The following MRPL50 variants were observed in gnomAD, a reference collection of about 807,000 sequenced individuals.
The protein encoded by MRPL50 is mitochondrial ribosomal protein L50.
Under a neutral mutation model 16.2 loss-of-function variants are expected in MRPL50, and 10 were observed. The ratio of observed to expected loss-of-function variants is 0.62; its 90% CI spans 0.38 to 1.05. MRPL50 has a LOEUF of 1.05. Ranked by LOEUF, MRPL50 falls within the 50% of genes least tolerant of loss-of-function variation. The pLI, the probability that MRPL50 is intolerant of heterozygous loss-of-function variation, is 0.01. For missense variants in MRPL50, 213 were observed against 187.1 expected (o/e 1.14, Z -0.81); for synonymous variants, 68 against 66.8 (o/e 1.02, Z -0.09).
Position 101,390,413 on chromosome 9 carries a change from C to A in MRPL50, c.*53G>T. The A allele has an allele frequency of 1.3e-6, 2 of 1,553,424 alleles. No homozygotes were observed. Among genetic ancestry groups the A allele is most frequent in the South Asian group, 2.5e-5 (2 of 79,092 alleles). On this transcript the variant is annotated 3_prime_UTR_variant, in exon 2 of 2. Coordinates refer to ENST00000374865, the MANE Select transcript of MRPL50 (RefSeq NM_019051.3). ...AAGTATCAAAAGATCTAATGAGCAG[C>A]CCCCTTGCTCAGGGAAAGACAGTGA...
intron 1 of MRPL50, among the ~76,000 whole-genome samples, chr9:101,391,999 T>C (rs1417882190): frequency 1.3e-5 from 2 of 151,948 alleles, no homozygotes; most frequent in Admixed American, 1.3e-4. Flanking sequence ...GAAATATAAC[T>C]AGAAATCAAT....
intron 1 of MRPL50, among the ~76,000 whole-genome samples, chr9:101,398,269 A>G (rs1231319650): frequency 6.6e-6 from 1 of 152,168 alleles, no homozygotes; most frequent in Admixed American, 6.5e-5. Flanking sequence ...TGAAGTGAAA[A>G]GGAAAGGGGG....
chr9:101,394,419 A>T (rs939596653), intron 1 of MRPL50, among the ~76,000 whole-genome samples: 3 of 152,148 alleles, frequency 2.0e-5, no homozygotes, highest in African/African-American at 7.2e-5. Context: ...CCAGGATCAT[A>T]AGTTGGCAAG....
chr9:101,393,844 T>C (rs1472711819), intron 1 of MRPL50, among the ~76,000 whole-genome samples: 5 of 151,956 alleles, frequency 3.3e-5, no homozygotes, highest in Non-Finnish European at 5.9e-5. Context: ...ATTGATGTTG[T>C]TGAAATGCTT....
intron 1 of MRPL50, 137 bp downstream of exon 1, chr9:101,398,364 G>C (rs1830396570): frequency 2.0e-5 from 15 of 734,822 alleles, no homozygotes; most frequent in South Asian, 1.9e-4. Flanking sequence ...TTCTCAACTC[G>C]GGACCCTAAC....
In MRPL50 at chr9:101,390,251, T is replaced by C; in HGVS notation, c.*215A>G. ...TCATAAATAATGACCTAATTTCATT[T>C]AAAAAATGGTTTCAGCAAATATGAA... On this transcript the variant is annotated 3_prime_UTR_variant, in exon 2 of 2. Coordinates refer to ENST00000374865, the MANE Select transcript of MRPL50 (RefSeq NM_019051.3). The C allele has an allele frequency of 8.0e-7, 1 of 1,255,392 alleles. No homozygotes were observed. The highest frequency in any genetic ancestry group is 1.0e-6 in the Non-Finnish European group (1 of 999,922). The allele number at this position is 1,255,392 out of a possible 1,614,324, so 77.8% of individuals were successfully genotyped here. A position where few individuals can be genotyped will look rare whatever the true frequency, so the allele number is the denominator to read the frequency against.
At position 101,388,954 on chromosome 9, in the gene MRPL50, T is replaced by C. The variant is rs921536244; in HGVS notation, c.*1512A>G. The C allele has an allele frequency of 6.6e-6, 1 of 151,954 alleles. No individual in the cohort carries two copies. The highest frequency in any genetic ancestry group is 1.5e-5 in the Non-Finnish European group (1 of 67,944). 9.4% of individuals were successfully genotyped at this position (151,954 alleles called of 1,614,324 possible). On this transcript the variant is annotated 3_prime_UTR_variant, in exon 2 of 2. Coordinates refer to ENST00000374865, the MANE Select transcript of MRPL50 (RefSeq NM_019051.3). The stretch of plus-strand genomic sequence containing the variant: ...AATTGTGAAAGCTATTTACATTGTA[T>C]TCACAATTGTGAATACTATTTACAT...
At chr9:101,393,433 T>C (rs1051728468) in intron 1 of MRPL50, among the ~76,000 whole-genome samples, 1 of 151,866 alleles carries the variant, frequency 6.6e-6, no homozygotes, top group African/African-American at 2.4e-5. Context: ...AAATTGTTCT[T>C]ATTTGATATA....
chr9:101,398,240 TAATA>T (rs1381180770), intron 1 of MRPL50, among the ~76,000 whole-genome samples: 1 of 152,130 alleles, frequency 6.6e-6, no homozygotes, highest in Non-Finnish European at 1.5e-5. Flanking sequence ...CCTGCTTGCT[TAATA>T]AATAAATGAA....
chr9:101,397,323 T>G (rs1830365402), intron 1 of MRPL50, among the ~76,000 whole-genome samples: 1 of 152,180 alleles, frequency 6.6e-6, no homozygotes, highest in African/African-American at 2.4e-5. Context: ...AGAAAGTATG[T>G]GAAGAGATGA....
At chr9:101,391,007 G>A (rs962824761) in intron 1 of MRPL50, among the ~76,000 whole-genome samples, 157 bp from the exon 2 acceptor site, 2 of 152,052 alleles carry the variant, frequency 1.3e-5, no homozygotes, top group South Asian at 2.1e-4. Context: ...CCCTTAGAAC[G>A]TTCATGGTTG....
At chr9:101,395,483 A>G (rs1830327562) in intron 1 of MRPL50, among the ~76,000 whole-genome samples, 1 of 152,234 alleles carries the variant, frequency 6.6e-6, no homozygotes, top group Non-Finnish European at 1.5e-5. Flanking sequence ...TTACAGCACT[A>G]TTCACAATAG....
At chr9:101,393,727 A>C (rs1402677353) in intron 1 of MRPL50, among the ~76,000 whole-genome samples, 2 of 152,050 alleles carry the variant, frequency 1.3e-5, no homozygotes, top group African/African-American at 4.8e-5. Flanking sequence ...AATAAACTTC[A>C]ACAAAGAAGT....
At chr9:101,398,078 T>C (rs1830385709) in intron 1 of MRPL50, among the ~76,000 whole-genome samples, 1 of 152,150 alleles carries the variant, frequency 6.6e-6, no homozygotes, top group Non-Finnish European at 1.5e-5. Flanking sequence ...ATCTGTTGAA[T>C]GACTGAATGA....
intron 1 of MRPL50, among the ~76,000 whole-genome samples, chr9:101,393,522 A>G (rs928301564): frequency 1.3e-5 from 2 of 151,922 alleles, no homozygotes; most frequent in African/African-American, 4.9e-5. Flanking sequence ...TCTTGTTGAT[A>G]TATGATCTTG....
rs1588147560 is a variant in MRPL50, at chr9:101,387,700, A to T, written c.*2766T>A. 2 of 152,120 alleles carry T rather than the reference A, an allele frequency of 1.3e-5. No homozygotes were observed. The highest frequency in any genetic ancestry group is 2.4e-5 in the African/African-American group (1 of 41,450). The allele number at this position is 152,120 out of a possible 1,614,324, so 9.4% of individuals were successfully genotyped here. A position where few individuals can be genotyped will look rare whatever the true frequency, so the allele number is the denominator to read the frequency against. On this transcript the variant is annotated 3_prime_UTR_variant, in exon 2 of 2. Transcript: ENST00000374865. ...TTACATATGTAAAACCATTCTATTG[A>T]GTCTGAATCTCTATTTTATTAGCAG...
chr9:101,392,877 C>T (rs1049651366), intron 1 of MRPL50, among the ~76,000 whole-genome samples: 12 of 151,900 alleles, frequency 7.9e-5, no homozygotes, highest in East Asian at 1.9e-4. Context: ...TACCCCGATA[C>T]CAAAATCAGA....
chr9:101,393,280 A>G (rs1025023333), intron 1 of MRPL50, among the ~76,000 whole-genome samples: 1 of 152,124 alleles, frequency 6.6e-6, no homozygotes, highest in Non-Finnish European at 1.5e-5. Context: ...GAATGGGAAA[A>G]AACTCAAAGC....
chr9:101,389,564 G>C lies in MRPL50; in HGVS notation c.*902C>G. On this transcript the variant is annotated 3_prime_UTR_variant, in exon 2 of 2. Coordinates refer to ENST00000374865, the MANE Select transcript of MRPL50 (RefSeq NM_019051.3). ...TTTCTTTAGGAATTGTCAGCAGTCA[G>C]AACAATATAAGACATTCCTTCTGTC... The C allele has an allele frequency of 2.1e-6, 2 of 956,548 alleles. No homozygotes were observed. The highest frequency in any genetic ancestry group is 2.9e-6 in the Non-Finnish European group (2 of 696,944). The allele number at this position is 956,548 out of a possible 1,614,324, so 59.3% of individuals were successfully genotyped here.
Sources: allele counts gnomAD v4.1 joint callset (sites outside exome capture counted in the v4.1 genomes callset), GRCh38; gene constraint gnomAD v4.1.1; transcripts MANE v1.5; gene names NCBI Gene and HGNC (gene_info 2026-07-23, HGNC 2026-07-21).